Variants in NFIB observed in about 807,000 individuals in gnomAD.
NFIB encodes the protein nuclear factor 1 B-type.
A neutral mutation model predicts 61.5 loss-of-function variants in NFIB; 11 were observed. The observed-to-expected ratio is 0.18, with a 90% CI of 0.11 to 0.30. The LOEUF is 0.30. Ranked by LOEUF, NFIB falls within the 10% of genes least tolerant of loss-of-function variation. The probability of loss-of-function intolerance (pLI) is 1.00; values close to 1 mark genes in which losing one functional copy is unlikely to be tolerated. For missense variants in NFIB, 471 were observed against 608.9 expected, an observed-to-expected ratio of 0.77 and a Z score of 2.38; for synonymous variants, 260 against 216.5, an observed-to-expected ratio of 1.20 and a Z score of -1.76.
At position 14,167,181 on chromosome 9, in the gene NFIB, C is replaced by T. The variant is rs551859298; in HGVS notation, c.617-11288G>A. On this transcript the variant is annotated intron_variant, in intron 3 of 10. Coordinates refer to ENST00000380953, the MANE Select transcript of NFIB (RefSeq NM_001190737.2). ...TAAGTCATCTGAAGATGAGGGTAGACGAAACCTTTGGGATTAGAGGAAACG... is the reference window on the plus strand; with the variant it reads ...TAAGTCATCTGAAGATGAGGGTAGATGAAACCTTTGGGATTAGAGGAAACG... Among the ~76,000 whole-genome samples, 15 of 151,322 alleles carry T rather than the reference C, an allele frequency of 9.9e-5. No individual in the cohort carries two copies. The South Asian group carries it at 1.7e-3, about 17-fold the overall frequency.
intron 7 of NFIB, among the ~76,000 whole-genome samples, chr9:14,123,188 C>T (rs1426584897): frequency 2.0e-5 from 3 of 149,070 alleles, no homozygotes; most frequent in African/African-American, 7.5e-5. Flanking sequence ...ACCTGGGAGG[C>T]AGAGGTTGCA....
the NFIB span, among the ~76,000 whole-genome samples, chr9:14,514,242 G>C: frequency 6.6e-6 from 1 of 151,850 alleles, no homozygotes; most frequent in Middle Eastern, 3.2e-3. Flanking sequence ...CTCCAACCCT[G>C]CAATTTTTTT....
intron 3 of NFIB, among the ~76,000 whole-genome samples, chr9:14,162,318 T>G (rs2044294045): frequency 6.6e-6 from 1 of 152,098 alleles, no homozygotes; most frequent in East Asian, 1.9e-4. Flanking sequence ...AAAAGTTTTC[T>G]GACGAGAATG....
chr9:14,462,313 T>C, the NFIB span, among the ~76,000 whole-genome samples: 4 of 152,016 alleles, frequency 2.6e-5, no homozygotes, highest in African/African-American at 4.8e-5. Flanking sequence ...GACAGAGTCT[T>C]GCTCTGTTGC....
chr9:14,189,279 T>C (rs545305370), intron 2 of NFIB, among the ~76,000 whole-genome samples: 34 of 152,314 alleles, frequency 2.2e-4, no homozygotes, highest in African/African-American at 7.0e-4. Context: ...CAATCTTTCT[T>C]CTCAGGGAGC....
At chr9:14,296,405 C>A (rs2059446890) in intron 2 of NFIB, among the ~76,000 whole-genome samples, 1 of 152,208 alleles carries the variant, frequency 6.6e-6, no homozygotes, top group South Asian at 2.1e-4. Context: ...GACTAGAACC[C>A]CAAATGTCAA....
chr9:14,275,989 C>G (rs1307338903), intron 2 of NFIB, among the ~76,000 whole-genome samples: 1 of 151,874 alleles, frequency 6.6e-6, no homozygotes, highest in Non-Finnish European at 1.5e-5. Flanking sequence ...AAGAGTCTCT[C>G]AAGCATATAT....
chr9:14,134,907 A>AAAAAAAAAAAAAAAAAAAAAAAAC (rs1563820775), intron 6 of NFIB, among the ~76,000 whole-genome samples: 1 of 125,864 alleles, frequency 7.9e-6, no homozygotes, highest in African/African-American at 3.0e-5. Flanking sequence ...CAAAAAAAAA[A>AAAAAAAAAAAAAAAAAAAAAAAAC]AAAAAAAAAA....
At chr9:14,291,992 A>G (rs2059134053) in intron 2 of NFIB, among the ~76,000 whole-genome samples, 1 of 152,144 alleles carries the variant, frequency 6.6e-6, no homozygotes, top group South Asian at 2.1e-4. Flanking sequence ...CTGCAGATTG[A>G]TTTCGTTAGA....
chr9:14,125,379 A>T (rs2039507207), intron 7 of NFIB, among the ~76,000 whole-genome samples: 2 of 152,142 alleles, frequency 1.3e-5, no homozygotes, highest in South Asian at 4.1e-4. Flanking sequence ...GCTAGTCTTG[A>T]ACACCTGACC....
intron 2 of NFIB, among the ~76,000 whole-genome samples, chr9:14,229,444 T>C (rs1168338961): frequency 2.6e-5 from 4 of 152,176 alleles, no homozygotes; most frequent in Non-Finnish European, 5.9e-5. Context: ...ACCAAAAGGC[T>C]GCAGAGTGTC....
chr9:14,293,133 G>T (rs1449624848), intron 2 of NFIB, among the ~76,000 whole-genome samples: 1 of 152,066 alleles, frequency 6.6e-6, no homozygotes, highest in Non-Finnish European at 1.5e-5. Flanking sequence ...TGAAATCTGG[G>T]GACTTGATAC....
intron 2 of NFIB, among the ~76,000 whole-genome samples, chr9:14,187,005 C>CTGTGTGTG (rs762584581): frequency 2.3e-4 from 15 of 64,054 alleles, no homozygotes; most frequent in Non-Finnish European, 4.3e-4. Flanking sequence ...TTCTTCGCTC[C>CTGTGTGTG]TGTGTGTGTG....
intron 1 of NFIB, among the ~76,000 whole-genome samples, chr9:14,336,788 T>A (rs902470670): frequency 6.6e-6 from 1 of 152,080 alleles, no homozygotes; most frequent in African/African-American, 2.4e-5. Context: ...TCCCTTTTTA[T>A]CTAAGTAAGA....
At chr9:14,370,090 T>G (rs2061341960) in intron 1 of NFIB, among the ~76,000 whole-genome samples, 2 of 152,200 alleles carry the variant, frequency 1.3e-5, no homozygotes, top group Non-Finnish European at 2.9e-5. Context: ...ACCCAGTACA[T>G]TTTACGACTT....
At chr9:14,158,457 TGA>T (rs924268405) in intron 3 of NFIB, among the ~76,000 whole-genome samples, 45 of 152,240 alleles carry the variant, frequency 3.0e-4, no homozygotes, top group African/African-American at 9.6e-4. Flanking sequence ...TCAGATTTTC[TGA>T]GAGATCTGTT....
At chr9:14,274,457 ACCTCTGTGTGCTGGGCTGAGC>A (rs2057858959) in intron 2 of NFIB, among the ~76,000 whole-genome samples, 2 of 152,208 alleles carry the variant, frequency 1.3e-5, no homozygotes, top group East Asian at 3.9e-4. Context: ...AAGTAAATTT[ACCTCTGTGTGCTGGGCTGAGC>A]AGCTTTTCTT....
At chr9:14,265,457 G>A (rs1470710092) in intron 2 of NFIB, among the ~76,000 whole-genome samples, 9 of 152,196 alleles carry the variant, frequency 5.9e-5, no homozygotes, top group Non-Finnish European at 1.3e-4. Context: ...CTCCGTCTCT[G>A]CCATGTGAGA....
chr9:14,114,324 G>C (rs2037816203), intron 9 of NFIB, among the ~76,000 whole-genome samples: 1 of 152,166 alleles, frequency 6.6e-6, no homozygotes, highest in South Asian at 2.1e-4. Flanking sequence ...CTCACAGACA[G>C]CCGGAGATGA....
Sources: allele counts gnomAD v4.1 joint callset (sites outside exome capture counted in the v4.1 genomes callset), GRCh38; gene constraint gnomAD v4.1.1; transcripts MANE v1.5; gene names NCBI Gene and HGNC (gene_info 2026-07-23, HGNC 2026-07-21).